Variants in PPM1G observed in about 807,000 individuals in gnomAD.
PPM1G encodes protein phosphatase 1G.
Under a neutral mutation model 59.4 loss-of-function variants are expected in PPM1G, and 12 were observed. The observed-to-expected ratio is 0.20, with a 90% CI of 0.13 to 0.33. The LOEUF is 0.33. PPM1G is among the 10% of genes least tolerant of loss of function. The probability of loss-of-function intolerance (pLI) is 1.00; values close to 1 mark genes in which losing one functional copy is unlikely to be tolerated. For synonymous variants in PPM1G, 245 were observed against 251.9 expected, an observed-to-expected ratio of 0.97 and a Z score of 0.26; for missense variants, 392 against 681.3, an observed-to-expected ratio of 0.58 and a Z score of 4.73.
intron 1 of PPM1G, among the ~76,000 whole-genome samples, chr2:27,401,929 C>G (rs967742145): frequency 1.3e-5 from 2 of 152,050 alleles, no homozygotes; most frequent in African/African-American, 4.8e-5. Flanking sequence ...GAATTATACT[C>G]TTAAAGTGAG....
In PPM1G at chr2:27,409,548, AAG is replaced by A. The variant is rs1394184927; in HGVS notation, c.-128_-127del. 1 of 1,231,572 alleles carries A rather than the reference AAG, an allele frequency of 8.1e-7. No homozygotes were observed. The highest frequency in any genetic ancestry group is 3.3e-5 in the East Asian group (1 of 30,668). 76.3% of individuals were successfully genotyped at this position (1,231,572 alleles called of 1,614,324 possible). ...CGCGACCGACGCAAGGTGCCGGTGA[AAG>A]GCGCGAGGCCGGCCAGGAGGCGGTA... On this transcript the variant is annotated 5_prime_UTR_variant, in exon 1 of 10. Coordinates refer to ENST00000344034, the MANE Select transcript of PPM1G (RefSeq NM_177983.3).
intron 1 of PPM1G, among the ~76,000 whole-genome samples, chr2:27,401,242 T>C (rs542379423): frequency 1.3e-5 from 2 of 151,968 alleles, no homozygotes; most frequent in Non-Finnish European, 2.9e-5. Flanking sequence ...AGCTGAGGGG[T>C]AGAGGGAATA....
intron 1 of PPM1G, among the ~76,000 whole-genome samples, chr2:27,404,612 C>A (rs527589496): frequency 6.6e-6 from 1 of 151,718 alleles, no homozygotes; most frequent in Non-Finnish European, 1.5e-5. Flanking sequence ...GAGAACCTCA[C>A]AACCAAATAT....
chr2:27,390,796 GTTCC>G (rs1683881498), intron 1 of PPM1G, among the ~76,000 whole-genome samples: 1 of 152,098 alleles, frequency 6.6e-6, no homozygotes, highest in African/African-American at 2.4e-5. Flanking sequence ...TTTTTCAGCT[GTTCC>G]TCTGCCACAC....
At chr2:27,393,018 A>G in intron 1 of PPM1G, 11 of 1,477,812 alleles carry the variant, frequency 7.4e-6, no homozygotes, top group Non-Finnish European at 1.0e-5. Context: ...TTTTTTCCAA[A>G]TGTAATGCAA....
At chr2:27,390,927 G>A (rs189673090) in intron 1 of PPM1G, among the ~76,000 whole-genome samples, 5 of 151,176 alleles carry the variant, frequency 3.3e-5, no homozygotes, top group South Asian at 2.1e-4. Context: ...GTGAGAACAC[G>A]CAGTATTTGG....
At position 27,393,367 on chromosome 2, in the gene PPM1G, T is replaced by G; in HGVS notation, c.121-6209A>C. 2.5e-6 allele frequency: 4 copies of G among 1,571,954 alleles called. No homozygotes were observed. The South Asian group carries it at 4.4e-5, about 17-fold the overall frequency. On this transcript the variant is annotated intron_variant, in intron 1 of 9. Transcript: ENST00000344034. ...ACCTGCGAGGTAGACGCGGTCGTCA[T>G]GCCGGCGACTAAGGAGAGGCGGCGG... is the stretch of plus-strand genomic sequence containing the variant.
rs1683707055 is a variant in PPM1G, at chr2:27,384,146, C to G, written c.826-54G>C. ...AGACTGGGATGATCCCCTCCCTCCC[C>G]ACAGCTCATACTCAGAATCAAGAGG... is the stretch of plus-strand genomic sequence containing the variant. On this transcript the variant is annotated intron_variant, in intron 5 of 9. Transcript: ENST00000344034. The surrounding 1 kb of genome is among the most constrained non-coding windows in gnomAD (Gnocchi z 4.8). 35 of 1,611,314 alleles carry G rather than the reference C, an allele frequency of 2.2e-5. No individual in the cohort carries two copies. The South Asian group carries it at 3.7e-4, about 17-fold the overall frequency.
intron 1 of PPM1G, chr2:27,392,801 T>C: frequency 1.3e-6 from 2 of 1,487,630 alleles, no homozygotes; most frequent in Non-Finnish European, 9.3e-7. Flanking sequence ...TCATTATCAC[T>C]GTCTCCCAGG....
intron 1 of PPM1G, among the ~76,000 whole-genome samples, chr2:27,388,679 T>C (rs111242383): frequency 6.6e-6 from 1 of 151,776 alleles, no homozygotes; most frequent in Admixed American, 6.6e-5. Context: ...ATCGAGACCA[T>C]CCTGGCTAAC....
rs139796030 is a variant in PPM1G at position 27,384,897 on chromosome 2, A to G, written c.601T>C (p.Ser201Pro). 1.2e-4 allele frequency: 186 copies of G among 1,614,158 alleles called. 2 individuals carry two copies. The African/African-American group carries it at 2.3e-3, about 20-fold the overall frequency. The change falls in exon 5 of 10, where the codon TCA becomes CCA. Residue 201 changes from serine (S) to proline (P), a missense_variant. By Grantham distance (74) the Ser-to-Pro change is moderately conservative. Coordinates refer to ENST00000344034, the MANE Select transcript of PPM1G (RefSeq NM_177983.3). The surrounding 1 kb of genome is among the most constrained non-coding windows in gnomAD (Gnocchi z 4.8). ...TTGGCTGTGGGGCCATTTTCTTGTG[A>G]AGGAGTTTCCCTAGTTGAGTCCTCA... ...GPEDSTRETP[S>P]QENGPTAKAY...
At chr2:27,390,221 T>C (rs1012586939) in intron 1 of PPM1G, among the ~76,000 whole-genome samples, 5 of 152,152 alleles carry the variant, frequency 3.3e-5, no homozygotes, top group African/African-American at 9.7e-5. Context: ...GGCTTCACCA[T>C]GTTGCCCAGG....
intron 1 of PPM1G, chr2:27,392,994 T>C: frequency 1.3e-6 from 2 of 1,523,032 alleles, no homozygotes; most frequent in South Asian, 1.1e-5. Flanking sequence ...GTTCCAGTAG[T>C]GACTGATTCA....
intron 1 of PPM1G, among the ~76,000 whole-genome samples, chr2:27,408,151 G>T (rs970511314): frequency 6.6e-6 from 1 of 152,022 alleles, no homozygotes; most frequent in Non-Finnish European, 1.5e-5. Context: ...GGTCAGTTAT[G>T]AATATAAAAT....
At position 27,381,406 on chromosome 2, in the gene PPM1G, G is replaced by A; in HGVS notation, c.*193C>T. On this transcript the variant is annotated 3_prime_UTR_variant, in exon 10 of 10. Transcript: ENST00000344034. Reference sequence around the variant, plus strand: ...GTGATGAGCCCGAGGAGCAGAGGCGGCTGGGAAGGACAGCAGAGGCTCCCG... The same window carrying A: ...GTGATGAGCCCGAGGAGCAGAGGCGACTGGGAAGGACAGCAGAGGCTCCCG... 3 of 618,526 alleles carry A rather than the reference G, an allele frequency of 4.9e-6. No individual in the cohort carries two copies. The highest frequency in any genetic ancestry group is 8.6e-6 in the Non-Finnish European group (3 of 350,452). The allele number at this position is 618,526 out of a possible 1,614,324, so 38.3% of individuals were successfully genotyped here. A position where few individuals can be genotyped will look rare whatever the true frequency, so the allele number is the denominator to read the frequency against.
intron 1 of PPM1G, among the ~76,000 whole-genome samples, chr2:27,403,966 C>T (rs1053692870): frequency 6.6e-6 from 1 of 152,072 alleles, no homozygotes; most frequent in Non-Finnish European, 1.5e-5. Flanking sequence ...AGATGCTAAT[C>T]TGAAGATAAG....
chr2:27,407,988 G>A (rs971437170), intron 1 of PPM1G, among the ~76,000 whole-genome samples: 3 of 151,824 alleles, frequency 2.0e-5, no homozygotes, highest in Non-Finnish European at 4.4e-5. Context: ...CGGAGGTTGC[G>A]GTGAGCCGAG....
At chr2:27,401,498 G>C (rs1684179130) in intron 1 of PPM1G, among the ~76,000 whole-genome samples, 1 of 152,198 alleles carries the variant, frequency 6.6e-6, no homozygotes, top group South Asian at 2.1e-4. Flanking sequence ...TTCTAAAACT[G>C]ATTGTGGTGA....
In PPM1G at chr2:27,382,102, TC is replaced by T. The variant is rs775642425; in HGVS notation, c.1434+23del. ...CCCTGGCTGTGCAGACCAGACACCCTCTCTTCTCCACCCTGGTACTCACCTC... is the reference window on the plus strand; with the variant it reads ...CCCTGGCTGTGCAGACCAGACACCCTTCTTCTCCACCCTGGTACTCACCTC... On this transcript the variant is annotated intron_variant, in intron 9 of 9. Transcript: ENST00000344034. The surrounding 1 kb of genome is among the most constrained non-coding windows in gnomAD (Gnocchi z 4.2). The T allele has an allele frequency of 5.6e-6, 9 of 1,601,746 alleles. No individual in the cohort carries two copies. In the Admixed American group the frequency reaches 1.3e-4, roughly 24 times the overall value.
Sources: gnomAD v4.1 joint callset for allele counts (sites outside exome capture counted in the v4.1 genomes callset) on GRCh38, gnomAD v4.1.1 for gene constraint, Gnocchi (gnomAD v3.1) non-coding constraint, MANE v1.5 for transcripts, NCBI Gene and HGNC (gene_info 2026-07-23, HGNC 2026-07-21) for gene names.